The following NFIB variants were observed in gnomAD, a reference collection of about 807,000 sequenced individuals.
The protein encoded by NFIB is nuclear factor I B.
Under a neutral mutation model 61.5 loss-of-function variants are expected in NFIB, and 11 were observed. That is an observed-to-expected ratio of 0.18 (90% confidence interval 0.11 to 0.30). NFIB has a LOEUF of 0.30. NFIB is among the 10% of genes least tolerant of loss of function. NFIB has a pLI of 1.00. For synonymous variants in NFIB, 260 were observed against 216.5 expected (o/e 1.20, Z -1.76); for missense variants, 471 against 608.9 (o/e 0.77, Z 2.38).
chr9:14,481,972 A>T, the NFIB span, among the ~76,000 whole-genome samples: 1 of 151,866 alleles, frequency 6.6e-6, no homozygotes, highest in Non-Finnish European at 1.5e-5. Context: ...GGACTAAATG[A>T]CCTCTGAAGC....
chr9:14,448,690 G>T, the NFIB span, among the ~76,000 whole-genome samples: 1 of 152,202 alleles, frequency 6.6e-6, no homozygotes, highest in Non-Finnish European at 1.5e-5. Context: ...TCTCTTGAAA[G>T]AGGGGCAAAT....
intron 6 of NFIB, among the ~76,000 whole-genome samples, chr9:14,128,782 T>C (rs1233450696): frequency 6.6e-6 from 1 of 151,542 alleles, no homozygotes. Context: ...GAGAAGAGGA[T>C]CAATTAAGGC....
At chr9:14,365,621 T>A (rs781631443) in intron 1 of NFIB, among the ~76,000 whole-genome samples, 10 of 152,224 alleles carry the variant, frequency 6.6e-5, no homozygotes, top group Admixed American at 2.0e-4. Context: ...AGTTCAGAAA[T>A]AGATTCTTAT....
the NFIB span, among the ~76,000 whole-genome samples, chr9:14,527,888 T>A: frequency 6.6e-6 from 1 of 152,180 alleles, no homozygotes; most frequent in Admixed American, 6.5e-5. Context: ...TTCAGATATA[T>A]CTTTGCATGG....
intron 2 of NFIB, among the ~76,000 whole-genome samples, chr9:14,275,920 C>G (rs2057964818): frequency 6.6e-6 from 1 of 150,896 alleles, no homozygotes; most frequent in Non-Finnish European, 1.5e-5. Context: ...ACCAGTATAC[C>G]AAAAACTCTG....
the NFIB span, among the ~76,000 whole-genome samples, chr9:14,469,718 T>C: frequency 6.6e-6 from 1 of 152,158 alleles, no homozygotes; most frequent in Non-Finnish European, 1.5e-5. Flanking sequence ...AAGAACATAA[T>C]ATCCAGCCTG....
chr9:14,361,617 C>T (rs1160847417), intron 1 of NFIB: 1 of 152,198 alleles, frequency 6.6e-6, no homozygotes, highest in Non-Finnish European at 1.5e-5. Flanking sequence ...AGTCTACTCT[C>T]TTTGTAGTCT....
intron 3 of NFIB, among the ~76,000 whole-genome samples, chr9:14,173,920 A>C (rs1257940736): frequency 6.6e-6 from 1 of 152,156 alleles, no homozygotes; most frequent in African/African-American, 2.4e-5. Flanking sequence ...CATGGTGCCA[A>C]CTGCTATGTA....
intron 10 of NFIB, among the ~76,000 whole-genome samples, chr9:14,112,072 TATAA>T (rs1408607769): frequency 6.6e-6 from 1 of 152,228 alleles, no homozygotes; most frequent in East Asian, 1.9e-4. Context: ...ACAGGCAACT[TATAA>T]ATAAAGAGCG....
chr9:14,147,653 T>TC (rs1460115607), intron 5 of NFIB, among the ~76,000 whole-genome samples: 1 of 147,580 alleles, frequency 6.8e-6, no homozygotes, highest in Admixed American at 6.7e-5. Flanking sequence ...TTTTTTTTTT[T>TC]TTTTGAGACT....
Position 14,287,550 on chromosome 9 carries a change from GT to G in NFIB, c.562+19438del, listed in dbSNP as rs756130930. Among the ~76,000 whole-genome samples the G allele has an allele frequency of 5.7e-4, 86 of 151,984 alleles. 2 individuals carry two copies. Among genetic ancestry groups the G allele is most frequent in the Middle Eastern group, 3.4e-3 (1 of 294 alleles). ...ACGATCTTCTGCCTCAGCTTCCCGA[GT>G]AGCTGGGATTACAGGTGCGCACCAC... On this transcript the variant is annotated intron_variant, in intron 2 of 10. Coordinates refer to ENST00000380953, the MANE Select transcript of NFIB (RefSeq NM_001190737.2).
At chr9:14,247,753 T>C (rs1381261682) in intron 2 of NFIB, among the ~76,000 whole-genome samples, 1 of 152,152 alleles carries the variant, frequency 6.6e-6, no homozygotes, top group Non-Finnish European at 1.5e-5. Context: ...TGGCATACAG[T>C]CAAGACTCAG....
At chr9:14,162,181 T>C (rs918619627) in intron 3 of NFIB, among the ~76,000 whole-genome samples, 1 of 152,152 alleles carries the variant, frequency 6.6e-6, no homozygotes, top group Non-Finnish European at 1.5e-5. Context: ...GGAAATTTTT[T>C]TCCTAATATC....
chr9:14,492,841 G>A, the NFIB span, among the ~76,000 whole-genome samples: 3 of 152,224 alleles, frequency 2.0e-5, no homozygotes, highest in Non-Finnish European at 4.4e-5. Context: ...GCCATGATGT[G>A]AGAGGGGGTG....
Position 14,084,796 on chromosome 9 carries a change from T to G in NFIB, c.*3513A>C. The G allele has an allele frequency of 8.7e-6, 2 of 228,682 alleles. No homozygotes were observed. The highest frequency in any genetic ancestry group is 1.7e-5 in the Non-Finnish European group (2 of 115,250). 14.2% of individuals were successfully genotyped at this position (228,682 alleles called of 1,614,324 possible). On this transcript the variant is annotated 3_prime_UTR_variant, in exon 11 of 11. Transcript: ENST00000380953. ...CACGAGGAGGAGGCCGAAAAGTTGATTTGAGATTTTATATATATAGTAGTA... is the reference window on the plus strand; with the variant it reads ...CACGAGGAGGAGGCCGAAAAGTTGAGTTGAGATTTTATATATATAGTAGTA...
intron 1 of NFIB, among the ~76,000 whole-genome samples, chr9:14,374,171 C>T (rs146513065): frequency 6.6e-6 from 1 of 152,276 alleles, no homozygotes; most frequent in Non-Finnish European, 1.5e-5. Context: ...TTTCAAAAAT[C>T]CTTTTGTTAA....
At chr9:14,146,568 C>T in intron 6 of NFIB, 121 bp downstream of exon 6, 1 of 1,353,066 alleles carries the variant, frequency 7.4e-7, no homozygotes, top group South Asian at 1.3e-5. Context: ...CTACAGGAAT[C>T]ATTTTATGAA....
At chr9:14,505,566 G>A in the NFIB span, among the ~76,000 whole-genome samples, 2 of 152,236 alleles carry the variant, frequency 1.3e-5, no homozygotes, top group Admixed American at 6.5e-5. Flanking sequence ...GGTACAGGAA[G>A]AATACCAACA....
intron 1 of NFIB, among the ~76,000 whole-genome samples, chr9:14,333,117 C>G (rs970732747): frequency 2.6e-5 from 4 of 152,122 alleles, no homozygotes; most frequent in Admixed American, 2.6e-4. Context: ...CTTGGCAGCA[C>G]CCTGCAAGCC....
Sources: gnomAD v4.1 joint callset for allele counts (sites outside exome capture counted in the v4.1 genomes callset) on GRCh38, gnomAD v4.1.1 for gene constraint, MANE v1.5 for transcripts, NCBI Gene and HGNC (gene_info 2026-07-23, HGNC 2026-07-21) for gene names.